Variants in SLC4A10 observed in about 807,000 individuals in gnomAD.
SLC4A10 encodes sodium-driven chloride bicarbonate exchanger.
SLC4A10 carries 42 observed loss-of-function variants against 137.7 expected under a neutral mutation model. That is an observed-to-expected ratio of 0.30 (90% CI 0.24 to 0.39). SLC4A10 has a LOEUF of 0.39. Ranked by LOEUF, SLC4A10 falls within the 10% of genes least tolerant of loss-of-function variation. The probability of loss-of-function intolerance (pLI) is 1.00; values close to 1 mark genes in which losing one functional copy is unlikely to be tolerated. For synonymous variants in SLC4A10, 474 were observed against 464.1 expected, an observed-to-expected ratio of 1.02 and a Z score of -0.27; for missense variants, 925 against 1,355.0, an observed-to-expected ratio of 0.68 and a Z score of 4.98.
Position 161,839,769 on chromosome 2 carries a change from A to C in SLC4A10, c.278-20A>C, listed in dbSNP as rs1342815838. The C allele has an allele frequency of 3.7e-6, 6 of 1,613,170 alleles. No individual in the cohort carries two copies. Among genetic ancestry groups the C allele is most frequent in the Non-Finnish European group, 5.1e-6 (6 of 1,179,400 alleles). On this transcript the variant is annotated intron_variant, in intron 3 of 26. Coordinates refer to ENST00000446997, the MANE Select transcript of SLC4A10 (RefSeq NM_001178015.2). ...CGTGGTAATACATGTTCATGGTAAT[A>C]CATGTCTCTGATTTTTTAGACACCC...
chr2:161,845,559 T>G (rs2059439579), intron 4 of SLC4A10, among the ~76,000 whole-genome samples: 1 of 152,086 alleles, frequency 6.6e-6, no homozygotes, highest in Non-Finnish European at 1.5e-5. Context: ...CTCAGAGAAT[T>G]AAGCCCTCAA....
intron 1 of SLC4A10, among the ~76,000 whole-genome samples, chr2:161,625,657 A>G (rs2032187302): frequency 6.6e-6 from 1 of 151,978 alleles, no homozygotes; most frequent in African/African-American, 2.4e-5. Flanking sequence ...GGAGTGGGCA[A>G]ATTCTGGGCC....
intron 1 of SLC4A10, among the ~76,000 whole-genome samples, chr2:161,717,976 T>C (rs1261037465): frequency 6.6e-6 from 1 of 152,134 alleles, no homozygotes; most frequent in Non-Finnish European, 1.5e-5. Context: ...GAACTTGTTA[T>C]TGGTTATTGG....
At chr2:161,829,531 G>A (rs989001279) in intron 3 of SLC4A10, among the ~76,000 whole-genome samples, 1 of 151,932 alleles carries the variant, frequency 6.6e-6, no homozygotes, top group Admixed American at 6.6e-5. Context: ...AAATTGTCAT[G>A]GATTCTCATG....
intron 2 of SLC4A10, among the ~76,000 whole-genome samples, chr2:161,790,860 A>G (rs1487804306): frequency 1.3e-5 from 2 of 152,002 alleles, no homozygotes; most frequent in East Asian, 1.9e-4. Flanking sequence ...CTGACATAGG[A>G]AAAAAAAGCT....
At chr2:161,682,525 G>A (rs2040970633) in intron 1 of SLC4A10, among the ~76,000 whole-genome samples, 1 of 152,102 alleles carries the variant, frequency 6.6e-6, no homozygotes, top group Non-Finnish European at 1.5e-5. Flanking sequence ...CAGGATTTGA[G>A]TTCAATGAGA....
At chr2:161,666,751 T>G (rs2039090234) in intron 1 of SLC4A10, among the ~76,000 whole-genome samples, 2 of 151,708 alleles carry the variant, frequency 1.3e-5, no homozygotes, top group African/African-American at 2.4e-5. Context: ...TATAATTCTT[T>G]CCAGAAGTCT....
At chr2:161,879,656 T>C (rs753134351) in intron 9 of SLC4A10, among the ~76,000 whole-genome samples, 1 of 151,714 alleles carries the variant, frequency 6.6e-6, no homozygotes, top group South Asian at 2.1e-4. Context: ...ATCCTGTGCA[T>C]GAGTGCGGTC....
At chr2:161,722,953 A>T (rs2125129975) in intron 1 of SLC4A10, among the ~76,000 whole-genome samples, 1 of 152,294 alleles carries the variant, frequency 6.6e-6, no homozygotes, top group African/African-American at 2.4e-5. Context: ...GTCTGGCCAC[A>T]ATCTGCCGCA....
intron 1 of SLC4A10, among the ~76,000 whole-genome samples, chr2:161,704,166 A>C (rs1240047300): frequency 6.6e-6 from 1 of 151,738 alleles, no homozygotes; most frequent in African/African-American, 2.4e-5. Flanking sequence ...AGTTAGACAA[A>C]TAGTGTCAAA....
At chr2:161,828,779 T>TATAC (rs1294009544) in intron 3 of SLC4A10, among the ~76,000 whole-genome samples, 1 of 84,308 alleles carries the variant, frequency 1.2e-5, no homozygotes, top group Non-Finnish European at 2.4e-5. Context: ...TATATATATA[T>TATAC]ATATATATAT....
intron 4 of SLC4A10, among the ~76,000 whole-genome samples, chr2:161,853,621 C>T (rs1361011767): frequency 6.6e-6 from 1 of 152,138 alleles, no homozygotes; most frequent in African/African-American, 2.4e-5. Context: ...GACTGAAAAA[C>T]TTTAGGAATA....
At chr2:161,647,973 T>C (rs1387924078) in intron 1 of SLC4A10, among the ~76,000 whole-genome samples, 1 of 152,206 alleles carries the variant, frequency 6.6e-6, no homozygotes, top group Non-Finnish European at 1.5e-5. Context: ...AAAGTTCTTT[T>C]ACTAGTGGTA....
At chr2:161,793,622 T>G (rs2054447363) in intron 2 of SLC4A10, among the ~76,000 whole-genome samples, 1 of 152,154 alleles carries the variant, frequency 6.6e-6, no homozygotes, top group African/African-American at 2.4e-5. Context: ...CTCTCTCTTC[T>G]TAATGCGTTT....
intron 1 of SLC4A10, among the ~76,000 whole-genome samples, chr2:161,699,831 CAAG>C (rs1259222001): frequency 1.3e-5 from 2 of 152,118 alleles, no homozygotes; most frequent in Non-Finnish European, 1.5e-5. Flanking sequence ...CTAACAACAA[CAAG>C]AAGAACATTT....
rs189759032 is a variant in SLC4A10 at position 161,763,448 on chromosome 2, A to C, written c.49-7525A>C. Reference sequence around the variant, plus strand: ...GGTGTGGGCATATAAGAAATAAAAAATACGTATAAAGATGTGGGCAGGATA... The same window carrying C: ...GGTGTGGGCATATAAGAAATAAAAACTACGTATAAAGATGTGGGCAGGATA... On this transcript the variant is annotated intron_variant, in intron 1 of 26. Coordinates refer to ENST00000446997, the MANE Select transcript of SLC4A10 (RefSeq NM_001178015.2). 5.3e-5 allele frequency among the ~76,000 whole-genome samples: 8 copies of C among 152,298 alleles called. No individual in the cohort carries two copies. The East Asian group carries it at 1.5e-3, about 29-fold the overall frequency.
intron 3 of SLC4A10, among the ~76,000 whole-genome samples, chr2:161,833,008 G>C (rs1373806341): frequency 2.6e-5 from 4 of 152,214 alleles, no homozygotes; most frequent in African/African-American, 9.7e-5. Flanking sequence ...CCAAAGTGCA[G>C]TGTTGGGATT....
intron 4 of SLC4A10, among the ~76,000 whole-genome samples, chr2:161,845,496 CTGTT>C (rs958152183): frequency 3.9e-5 from 6 of 152,076 alleles, no homozygotes; most frequent in African/African-American, 1.2e-4. Context: ...AACTAACAAA[CTGTT>C]TGGAACTCCC....
At chr2:161,708,838 T>C in intron 1 of SLC4A10, 1 of 1,526,294 alleles carries the variant, frequency 6.6e-7, no homozygotes. Context: ...AGGTATGACC[T>C]CATGAATTAT....
Sources: allele counts gnomAD v4.1 joint callset (sites outside exome capture counted in the v4.1 genomes callset), GRCh38; gene constraint gnomAD v4.1.1; transcripts MANE v1.5; gene names NCBI Gene and HGNC (gene_info 2026-07-23, HGNC 2026-07-21).